USP7: variants seen among roughly 807,000 people sequenced by gnomAD.
USP7 encodes ubiquitin specific peptidase 7.
A neutral mutation model predicts 162.9 loss-of-function variants in USP7; 9 were observed. That is an observed-to-expected ratio of 0.06 (90% CI 0.03 to 0.10). The LOEUF (loss-of-function observed/expected upper bound fraction) is 0.10. Ranked by LOEUF, USP7 falls within the 10% of genes least tolerant of loss-of-function variation. The pLI is 1.00. For missense variants in USP7, 715 were observed against 1,373.7 expected, an observed-to-expected ratio of 0.52 and a Z score of 7.58; for synonymous variants, 562 against 475.9, an observed-to-expected ratio of 1.18 and a Z score of -2.35.
At chr16:8,942,692 C>T (rs1345730688) in intron 1 of USP7, among the ~76,000 whole-genome samples, 1 of 152,110 alleles carries the variant, frequency 6.6e-6, no homozygotes, top group South Asian at 2.1e-4. Context: ...GGACTACAGG[C>T]GCACACCACC....
At chr16:8,936,713 A>T in intron 1 of USP7, 1 of 1,418,574 alleles carries the variant, frequency 7.0e-7, no homozygotes, top group South Asian at 1.5e-5. Context: ...CTACCTCAGC[A>T]TTCTTTTTTA....
At chr16:8,899,897 C>T in intron 21 of USP7, 140 bp from the exon 22 acceptor site, 1 of 1,016,432 alleles carries the variant, frequency 9.8e-7, no homozygotes, top group Non-Finnish European at 1.5e-6. Flanking sequence ...TTGAGGGGGC[C>T]AGGCATCTGC....
intron 1 of USP7, among the ~76,000 whole-genome samples, chr16:8,949,168 TC>T (rs1446775519): frequency 6.6e-6 from 1 of 152,230 alleles, no homozygotes. Context: ...GAATTATCTC[TC>T]AATGAAGTTA....
intron 1 of USP7, among the ~76,000 whole-genome samples, chr16:8,944,791 C>G (rs1381102958): frequency 6.6e-6 from 1 of 152,330 alleles, no homozygotes; most frequent in East Asian, 1.9e-4. Flanking sequence ...TTTTGAAAAA[C>G]TAGCGTCAAA....
intron 8 of USP7, among the ~76,000 whole-genome samples, 154 bp from the exon 9 acceptor site, chr16:8,915,679 T>A (rs1275478914): frequency 6.6e-6 from 1 of 152,236 alleles, no homozygotes; most frequent in East Asian, 1.9e-4. Flanking sequence ...ATACAAAATC[T>A]TCTTTCTTGG....
intron 2 of USP7, among the ~76,000 whole-genome samples, chr16:8,925,643 G>A (rs1056896987): frequency 6.6e-5 from 10 of 152,286 alleles, no homozygotes; most frequent in Non-Finnish European, 1.2e-4. Context: ...AGAGGCCACC[G>A]CGCATCCGTC....
At chr16:8,914,233 T>C (rs912315551) in intron 10 of USP7, among the ~76,000 whole-genome samples, 2 of 152,042 alleles carry the variant, frequency 1.3e-5, no homozygotes, top group Non-Finnish European at 1.5e-5. Flanking sequence ...AAAATGCAGA[T>C]AGCACTATAC....
chr16:8,929,147 C>A (rs1461239528), intron 2 of USP7, among the ~76,000 whole-genome samples: 1 of 152,218 alleles, frequency 6.6e-6, no homozygotes, highest in African/African-American at 2.4e-5. Context: ...CACTGCTACA[C>A]AAGTGGCTAG....
chr16:8,959,136 A>T (rs918106517), intron 1 of USP7, among the ~76,000 whole-genome samples: 1 of 152,190 alleles, frequency 6.6e-6, no homozygotes, highest in African/African-American at 2.4e-5. Flanking sequence ...TTCCAGTCTC[A>T]CAACAACCTT....
At chr16:8,931,543 T>C (rs766972226) in intron 1 of USP7, among the ~76,000 whole-genome samples, 6 of 152,186 alleles carry the variant, frequency 3.9e-5, no homozygotes, top group Admixed American at 3.3e-4. Context: ...TATGTAAAGA[T>C]CCGGGAAAGT....
intron 10 of USP7, among the ~76,000 whole-genome samples, chr16:8,912,388 T>G (rs2061960774): frequency 6.7e-6 from 1 of 148,506 alleles, no homozygotes; most frequent in Non-Finnish European, 1.5e-5. Flanking sequence ...AGACAAAGGT[T>G]GTAGTGAGCT....
rs79682514 is a variant in USP7 at position 8,934,679 on chromosome 16, T to C, written c.80-4282A>G. Among the ~76,000 whole-genome samples the C allele has an allele frequency of 8.9e-4, 136 of 152,314 alleles. 4 individuals carry two copies. In the East Asian group the frequency reaches 0.022, roughly 25 times the overall value. ...CAGCTTTTACATCCAAATTAACACA[T>C]CTGAGTTGGTGTGGCCAATCTGCCC... On this transcript the variant is annotated intron_variant, in intron 1 of 30. Coordinates refer to ENST00000344836, the MANE Select transcript of USP7 (RefSeq NM_003470.3).
At chr16:8,922,023 G>C (rs773559199) in intron 3 of USP7, among the ~76,000 whole-genome samples, 18 of 152,190 alleles carry the variant, frequency 1.2e-4, no homozygotes, top group Non-Finnish European at 2.5e-4. Context: ...CTGACACTGG[G>C]TATGGACCAT....
chr16:8,928,663 C>T (rs778951129), intron 2 of USP7, among the ~76,000 whole-genome samples: 21 of 152,314 alleles, frequency 1.4e-4, no homozygotes, highest in East Asian at 1.9e-4. Context: ...GGTCTTTCAA[C>T]GGCAACCACA....
chr16:8,950,492 C>A (rs1899500516), intron 1 of USP7, among the ~76,000 whole-genome samples: 1 of 152,228 alleles, frequency 6.6e-6, no homozygotes, highest in Admixed American at 6.5e-5. Context: ...TTCTTCCTCT[C>A]CAGACCCCTT....
intron 3 of USP7, 147 bp from the exon 4 acceptor site, chr16:8,921,442 G>A: frequency 3.4e-6 from 3 of 879,904 alleles, no homozygotes; most frequent in Non-Finnish European, 5.0e-6. Context: ...TAGGATGGAG[G>A]CATTTTTACC....
intron 1 of USP7, chr16:8,956,474 C>A (rs12446999): frequency 0.34 from 51,373 of 152,200 alleles, 10,712 homozygotes; most frequent in East Asian, 0.57. Context: ...ATGCTAAGAA[C>A]TGAATTTGGG....
chr16:8,922,075 G>A (rs1596380371), intron 3 of USP7, among the ~76,000 whole-genome samples: 1 of 152,118 alleles, frequency 6.6e-6, no homozygotes, highest in Non-Finnish European at 1.5e-5. Flanking sequence ...GTTGTCCATC[G>A]GACTAAAACA....
At chr16:8,918,881 G>A in intron 6 of USP7, 150 bp downstream of exon 6, 1 of 747,268 alleles carries the variant, frequency 1.3e-6, no homozygotes, top group Non-Finnish European at 2.3e-6. Flanking sequence ...CCCAGCACTG[G>A]GGAATGAAAA....
Sources: gnomAD v4.1 joint callset for allele counts (sites outside exome capture counted in the v4.1 genomes callset) on GRCh38, gnomAD v4.1.1 for gene constraint, MANE v1.5 for transcripts, NCBI Gene and HGNC (gene_info 2026-07-23, HGNC 2026-07-21) for gene names.